The following DRAP1 variants were observed in gnomAD, a reference collection of about 807,000 sequenced individuals.
The protein encoded by DRAP1 is DR1 associated protein 1.
In DRAP1, 10 loss-of-function variants were observed where a neutral mutation model predicts 24.1. That is an observed-to-expected ratio of 0.41 (90% CI 0.26 to 0.70). The LOEUF is 0.70. Among genes scored for constraint, DRAP1 ranks in the 30% least tolerant of loss-of-function variants. The probability of loss-of-function intolerance (pLI) is 0.29; values close to 1 mark genes in which losing one functional copy is unlikely to be tolerated. For synonymous variants in DRAP1, 122 were observed against 113.8 expected, an observed-to-expected ratio of 1.07 and a Z score of -0.46; for missense variants, 264 against 275.6, an observed-to-expected ratio of 0.96 and a Z score of 0.30.
At chr11:65,920,528 G>A in intron 4 of DRAP1, 41 bp from the exon 5 acceptor site, 1 of 1,610,402 alleles carries the variant, frequency 6.2e-7, no homozygotes, top group Non-Finnish European at 8.5e-7. Flanking sequence ...TGGCCAAGGA[G>A]TAGGGAGCAC....
chr11:65,921,385 C>G lies in DRAP1; in HGVS notation c.568C>G (p.Pro190Ala). The change falls in exon 7 of 7, where the codon CCG (proline) becomes GCG (alanine). Residue 190 changes from proline to alanine, a missense_variant. Physicochemically the swap from Pro to Ala is conservative, Grantham distance 27 (BLOSUM62 -1). This residue lies in a region of DRAP1 where 243 missense variants were observed against 233.6 expected (regional missense o/e 1.04). Coordinates refer to ENST00000312515, the MANE Select transcript of DRAP1 (RefSeq NM_006442.4). ...TACTCTGCCTTTGCCCCCAGCGCCC[C>G]CGGGCCCCTCAGCACCTGATGAAGA... The part of the protein sequence containing the change: ...ASTLPLPPAP[P>A]GPSAPDEEDE... 1.2e-6 allele frequency: 2 copies of G among 1,611,954 alleles called. No homozygotes were observed. Among genetic ancestry groups the G allele is most frequent in the Non-Finnish European group, 1.7e-6 (2 of 1,178,118 alleles).
Position 65,920,571 on chromosome 11 carries a change from G to A in DRAP1, c.332G>A (p.Gly111Asp). ...AGATGGACTGTACCTTCCCAAAGGG[G>A]CCGGAAGCCAGGCAGCGGCGGCCGG... ...HMDGDKGARR[G>D]RKPGSGGRKN... The change falls in exon 5 of 7, where the codon GGC (glycine) becomes GAC (aspartate). Residue 111 changes from glycine (G) to aspartate (D), a missense_variant and splice_region_variant. By Grantham distance (94) the Gly-to-Asp change is moderately conservative. This residue lies in a region of DRAP1 where 243 missense variants were observed against 233.6 expected (regional missense o/e 1.04). Coordinates refer to ENST00000312515, the MANE Select transcript of DRAP1 (RefSeq NM_006442.4). The A allele has an allele frequency of 6.3e-7, 1 of 1,596,844 alleles. No individual in the cohort carries two copies. Among genetic ancestry groups the A allele is most frequent in the African/African-American group, 1.3e-5 (1 of 74,544 alleles).
intron 6 of DRAP1, 148 bp from the exon 7 acceptor site, chr11:65,921,182 C>G: frequency 1.5e-6 from 1 of 687,694 alleles, no homozygotes. Flanking sequence ...CTGGGCCTGC[C>G]CTGCGTGAGC....
intron 3 of DRAP1, 142 bp from the exon 4 acceptor site, chr11:65,920,201 C>T: frequency 6.9e-7 from 1 of 1,443,442 alleles, no homozygotes. Flanking sequence ...GCAGAGGGAG[C>T]CACCTGAGTA....
At chr11:65,920,262 C>G in intron 3 of DRAP1, 81 bp from the exon 4 acceptor site, 1 of 1,594,650 alleles carries the variant, frequency 6.3e-7, no homozygotes, top group Non-Finnish European at 8.5e-7. Flanking sequence ...AGCCTGACAT[C>G]TGGGGCCCCT....
At chr11:65,920,223 G>T in intron 3 of DRAP1, 120 bp from the exon 4 acceptor site, 1 of 1,517,816 alleles carries the variant, frequency 6.6e-7, no homozygotes, top group Non-Finnish European at 8.9e-7. Context: ...AGCAGGGCAG[G>T]CCCGGGAGCG....
In DRAP1 at chr11:65,920,329, C is replaced by G. The variant is rs1350052931; in HGVS notation, c.210-14C>G. 3.5e-5 allele frequency: 56 copies of G among 1,613,788 alleles called. No individual in the cohort carries two copies. The highest frequency in any genetic ancestry group is 4.2e-5 in the Non-Finnish European group (49 of 1,179,974). On this transcript the variant is annotated splice_polypyrimidine_tract_variant and intron_variant, in intron 3 of 6. Coordinates refer to ENST00000312515, the MANE Select transcript of DRAP1 (RefSeq NM_006442.4). ...GGCCCCTCTTGAGTGCCAGCCCCTC[C>G]TCACCTCTTCCAGGAAGCAGTGCAT...
At chr11:65,921,006 A>C (rs755985902) in intron 6 of DRAP1, 34 bp downstream of exon 6, 3 of 1,533,070 alleles carry the variant, frequency 2.0e-6, no homozygotes, top group Non-Finnish European at 1.8e-6. Flanking sequence ...GGGTGCTGGC[A>C]GACTCCCCAG....
In DRAP1 at chr11:65,920,945, C is replaced by T; in HGVS notation, c.485C>T (p.Ala162Val). ...EEETSQPPPQ[A>V]SHPSAHFQSP... The stretch of plus-strand genomic sequence containing the variant: ...GAGACATCACAACCCCCACCCCAGG[C>T]CAGCCACCCCTCTGCCCACTTTCAG... Residue 162 changes from alanine (A) to valine (V), a missense_variant, in exon 6 of 7, where the codon GCC becomes GTC. Physicochemically the swap from Ala to Val is moderately conservative, Grantham distance 64. Coordinates refer to ENST00000312515, the MANE Select transcript of DRAP1 (RefSeq NM_006442.4). 6.2e-7 allele frequency: 1 copy of T among 1,612,764 alleles called. No individual in the cohort carries two copies. Among genetic ancestry groups the T allele is most frequent in the Non-Finnish European group, 8.5e-7 (1 of 1,179,330 alleles).
chr11:65,921,233 G>T, intron 6 of DRAP1, 97 bp from the exon 7 acceptor site: 1 of 815,912 alleles, frequency 1.2e-6, no homozygotes, highest in Admixed American at 2.3e-5. Context: ...GGGTGGTGGT[G>T]GGAGGGTCAG....
rs1854548649 is a variant in DRAP1, at chr11:65,921,378, A to G, written c.561A>G (p.Pro187=). 1 of 1,610,686 alleles carries G rather than the reference A, an allele frequency of 6.2e-7. No individual in the cohort carries two copies. Among genetic ancestry groups the G allele is most frequent in the African/African-American group, 1.3e-5 (1 of 74,646 alleles). ...TCGCCTCTACTCTGCCTTTGCCCCCAGCGCCCCCGGGCCCCTCAGCACCTG... is the reference window on the plus strand; with the variant it reads ...TCGCCTCTACTCTGCCTTTGCCCCCGGCGCCCCCGGGCCCCTCAGCACCTG... ...LPFASTLPLP[P]APPGPSAPDE... The change falls in exon 7 of 7, where the codon CCA becomes CCG. Residue 187 remains proline (P), a synonymous_variant. Coordinates refer to ENST00000312515, the MANE Select transcript of DRAP1 (RefSeq NM_006442.4).
chr11:65,921,310 T>C lies in DRAP1; in HGVS notation c.513-20T>C. 1 of 1,504,192 alleles carries C rather than the reference T, an allele frequency of 6.6e-7. No homozygotes were observed. The highest frequency in any genetic ancestry group is 1.1e-5 in the South Asian group (1 of 87,982). The allele number at this position is 1,504,192 out of a possible 1,614,324, so 93.2% of individuals were successfully genotyped here. ...ACGGTGGGGCTCAGGCCTGACTCTCTCCTGCCTTCTGCCCTGCAGCCCCCC... is the reference window on the plus strand; with the variant it reads ...ACGGTGGGGCTCAGGCCTGACTCTCCCCTGCCTTCTGCCCTGCAGCCCCCC... On this transcript the variant is annotated intron_variant, in intron 6 of 6. Coordinates refer to ENST00000312515, the MANE Select transcript of DRAP1 (RefSeq NM_006442.4).
rs552385153 is a variant in DRAP1 at position 65,919,692 on chromosome 11, C to G, written c.43-88C>G. Reference sequence around the variant, plus strand: ...CCTCCCCGCGTCCGTGTCCCCCGCCCCCTTTCTCCGGGGATGCCCCTTCCT... The same window carrying G: ...CCTCCCCGCGTCCGTGTCCCCCGCCGCCTTTCTCCGGGGATGCCCCTTCCT... On this transcript the variant is annotated intron_variant, in intron 1 of 6. Transcript: ENST00000312515. 765 of 1,563,544 alleles carry G rather than the reference C, an allele frequency of 4.9e-4. 5 individuals carry two copies. In the African/African-American group the frequency reaches 8.9e-3, roughly 18 times the overall value.
At chr11:65,920,167 G>T in intron 3 of DRAP1, 126 bp downstream of exon 3, 2 of 1,421,284 alleles carry the variant, frequency 1.4e-6, no homozygotes, top group Non-Finnish European at 9.6e-7. Context: ...CCACAGACTG[G>T]CAGAGGAGAG....
Position 65,920,839 on chromosome 11 carries a change from G to C in DRAP1, c.424-45G>C, listed in dbSNP as rs1854541524. On this transcript the variant is annotated intron_variant, in intron 5 of 6. Transcript: ENST00000312515. ...CTGTCCCTGCCACTCCCAGTGATGG[G>C]TTCGTGTCTTTTCTTGTCAACTCTG... 7 of 1,572,318 alleles carry C rather than the reference G, an allele frequency of 4.5e-6. No individual in the cohort carries two copies. In the East Asian group the frequency reaches 1.3e-4, roughly 30 times the overall value.
intron 3 of DRAP1, 110 bp downstream of exon 3, chr11:65,920,151 G>C: frequency 6.9e-7 from 1 of 1,455,892 alleles, no homozygotes; most frequent in South Asian, 1.2e-5. Flanking sequence ...CGGGACACCA[G>C]CAAGGCCACA....
chr11:65,920,733 G>A, intron 5 of DRAP1, 71 bp downstream of exon 5: 1 of 1,451,548 alleles, frequency 6.9e-7, no homozygotes, highest in Admixed American at 2.6e-5. Context: ...GGCTGAACTG[G>A]CAGGAGGCCA....
chr11:65,919,865 G>A lies in DRAP1; in HGVS notation c.115+13G>A, dbSNP rs1424512603. 1 of 1,613,238 alleles carries A rather than the reference G, an allele frequency of 6.2e-7. No individual in the cohort carries two copies. Among genetic ancestry groups the A allele is most frequent in the Non-Finnish European group, 8.5e-7 (1 of 1,179,944 alleles). ...CCTGTCATCATCTGTATCCTGCCGG[G>A]GGCGGACCGGGTCGAGGGGCGTGGG... On this transcript the variant is annotated intron_variant, in intron 2 of 6. Transcript: ENST00000312515.
In DRAP1 at chr11:65,919,497, C is replaced by T. The variant is rs1016005491; in HGVS notation, c.-5C>T. On this transcript the variant is annotated 5_prime_UTR_variant, in exon 1 of 7. Transcript: ENST00000312515. ...TGGACCCGACGCGGCGAGAGAGGCC[C>T]CGAGATGCCGAGCAAGAAGAAGAAG... 6.5e-5 allele frequency: 100 copies of T among 1,542,126 alleles called. No homozygotes were observed. Among genetic ancestry groups the T allele is most frequent in the Non-Finnish European group, 8.2e-5 (94 of 1,143,836 alleles).
Sources: gnomAD v4.1 joint callset for allele counts on GRCh38, gnomAD v4.1.1 for gene constraint, gnomAD v4.1.1 regional missense constraint, MANE v1.5 for transcripts, NCBI Gene and HGNC (gene_info 2026-07-23, HGNC 2026-07-21) for gene names.